The following ARL15 variants were observed in gnomAD, a reference collection of about 807,000 sequenced individuals.
ARL15 encodes ADP-ribosylation factor-like protein 15.
ARL15 carries 19 observed loss-of-function variants against 25.2 expected under a neutral mutation model. The observed-to-expected ratio is 0.75, with a 90% CI of 0.53 to 1.10. ARL15 has a LOEUF of 1.10. Among genes scored for constraint, ARL15 ranks in the 50% least tolerant of loss-of-function variants. The pLI is 0.00. For missense variants in ARL15, 220 were observed against 246.0 expected (o/e 0.89, Z 0.71); for synonymous variants, 94 against 86.8 (o/e 1.08, Z -0.46).
chr5:54,076,895 C>T (rs1751627655), intron 4 of ARL15, among the ~76,000 whole-genome samples: 1 of 152,140 alleles, frequency 6.6e-6, no homozygotes, highest in Non-Finnish European at 1.5e-5. Flanking sequence ...CCTCCAACCA[C>T]TGGACCACTG....
chr5:53,884,178 C>T lies in ARL15; in HGVS notation c.*2383G>A, dbSNP rs1200516067. ...TAAATTAATTGCCATTACAAAAAGG[C>T]AACTGCTTTAGCTAAGAAGGTACAA... On this transcript the variant is annotated 3_prime_UTR_variant, in exon 5 of 5. Coordinates refer to ENST00000504924, the MANE Select transcript of ARL15 (RefSeq NM_019087.3). 1 of 152,126 alleles carries T rather than the reference C, an allele frequency of 6.6e-6. No individual in the cohort carries two copies. Among genetic ancestry groups the T allele is most frequent in the Admixed American group, 6.6e-5 (1 of 15,266 alleles). The allele number at this position is 152,126 out of a possible 1,614,324, so 9.4% of individuals were successfully genotyped here.
intron 1 of ARL15, among the ~76,000 whole-genome samples, chr5:54,231,592 T>C (rs1467379378): frequency 1.3e-5 from 2 of 152,212 alleles, no homozygotes; most frequent in East Asian, 3.9e-4. Context: ...TAGGCTACCA[T>C]GACAAAATAC....
At chr5:54,052,406 A>G (rs1270240211) in intron 4 of ARL15, among the ~76,000 whole-genome samples, 2 of 152,246 alleles carry the variant, frequency 1.3e-5, no homozygotes, top group African/African-American at 4.8e-5. Flanking sequence ...TATAAAGTGC[A>G]GAACTAAGTA....
chr5:54,176,017 C>T (rs909609169), intron 1 of ARL15, among the ~76,000 whole-genome samples: 7 of 152,072 alleles, frequency 4.6e-5, no homozygotes, highest in Admixed American at 6.5e-5. Context: ...ATCATATAAC[C>T]GAATGTCATA....
Position 53,886,335 on chromosome 5 carries a change from A to C in ARL15, c.*226T>G. 4 of 477,758 alleles carry C rather than the reference A, an allele frequency of 8.4e-6. No individual in the cohort carries two copies. In the Admixed American group the frequency reaches 1.1e-4, roughly 13 times the overall value. 29.6% of individuals were successfully genotyped at this position (477,758 alleles called of 1,614,324 possible). The stretch of plus-strand genomic sequence containing the variant: ...ACATGCGGGGAAGATAATTAGTGGT[A>C]AACAGAGAATAAATTCTCTCTCAGT... On this transcript the variant is annotated 3_prime_UTR_variant, in exon 5 of 5. Coordinates refer to ENST00000504924, the MANE Select transcript of ARL15 (RefSeq NM_019087.3).
intron 1 of ARL15, among the ~76,000 whole-genome samples, chr5:54,197,779 C>A (rs1331614875): frequency 6.6e-6 from 1 of 152,052 alleles, no homozygotes; most frequent in East Asian, 1.9e-4. Context: ...AGAGGGAATC[C>A]TCCCTAACTC....
intron 1 of ARL15, among the ~76,000 whole-genome samples, chr5:54,209,028 T>C (rs565607828): frequency 1.3e-5 from 2 of 152,246 alleles, no homozygotes; most frequent in Admixed American, 6.5e-5. Flanking sequence ...AATAGGACAA[T>C]GACTAACTCA....
intron 1 of ARL15, among the ~76,000 whole-genome samples, chr5:54,260,411 G>A (rs142779415): frequency 0.012 from 1,881 of 152,202 alleles, 16 homozygotes; most frequent in Middle Eastern, 0.031. Flanking sequence ...ATTCCAAATC[G>A]TTTTCTTTTG....
intron 1 of ARL15, among the ~76,000 whole-genome samples, chr5:54,252,102 A>G (rs747166331): frequency 6.6e-6 from 1 of 152,270 alleles, no homozygotes; most frequent in Non-Finnish European, 1.5e-5. Context: ...TCAAAGGGCT[A>G]TGGACCTTAT....
intron 4 of ARL15, among the ~76,000 whole-genome samples, chr5:54,031,879 G>A (rs1308377178): frequency 3.9e-5 from 6 of 151,996 alleles, no homozygotes; most frequent in Non-Finnish European, 5.9e-5. Context: ...TCTTGGGCTC[G>A]TTATATAGAA....
chr5:53,929,014 T>C (rs1051926436), intron 4 of ARL15, among the ~76,000 whole-genome samples: 4 of 152,180 alleles, frequency 2.6e-5, no homozygotes, highest in Non-Finnish European at 5.9e-5. Flanking sequence ...GTTTCTGAAA[T>C]TTTGTTCTTT....
intron 3 of ARL15, among the ~76,000 whole-genome samples, chr5:54,140,586 A>C (rs1753746997): frequency 6.6e-6 from 1 of 152,202 alleles, no homozygotes; most frequent in African/African-American, 2.4e-5. Context: ...CAAAGTACAG[A>C]GTGGGAAAAC....
At chr5:54,261,222 T>G (rs940844655) in intron 1 of ARL15, among the ~76,000 whole-genome samples, 7 of 152,184 alleles carry the variant, frequency 4.6e-5, no homozygotes, top group African/African-American at 1.4e-4. Context: ...GACTATGATA[T>G]TCTATAGGCA....
At chr5:54,225,394 A>G (rs1282284382) in intron 1 of ARL15, among the ~76,000 whole-genome samples, 3 of 152,120 alleles carry the variant, frequency 2.0e-5, no homozygotes, top group Non-Finnish European at 4.4e-5. Context: ...GGTGGTGGAG[A>G]TGGTGAGAAG....
intron 1 of ARL15, among the ~76,000 whole-genome samples, chr5:54,277,440 G>C (rs1374789943): frequency 6.6e-6 from 1 of 152,142 alleles, no homozygotes; most frequent in African/African-American, 2.4e-5. Context: ...TGCTTTCTCT[G>C]CTAGTAAAAC....
chr5:53,906,403 A>C (rs1745251541), intron 4 of ARL15, among the ~76,000 whole-genome samples: 1 of 152,186 alleles, frequency 6.6e-6, no homozygotes, highest in Non-Finnish European at 1.5e-5. Context: ...GGCCCTGTAC[A>C]TCACCAAGAT....
At chr5:54,025,646 G>GTTGT in intron 4 of ARL15, among the ~76,000 whole-genome samples, 1 of 136,942 alleles carries the variant, frequency 7.3e-6, no homozygotes, top group South Asian at 2.4e-4. Flanking sequence ...CTACTGGCAA[G>GTTGT]TTATTTGTTT....
At chr5:54,184,797 TC>T (rs1441516357) in intron 1 of ARL15, among the ~76,000 whole-genome samples, 1 of 152,134 alleles carries the variant, frequency 6.6e-6, no homozygotes, top group Non-Finnish European at 1.5e-5. Flanking sequence ...CTCTACTATT[TC>T]CCTGTTCCTC....
chr5:54,136,998 T>C (rs1753625057), intron 3 of ARL15, among the ~76,000 whole-genome samples: 1 of 152,096 alleles, frequency 6.6e-6, no homozygotes, highest in Non-Finnish European at 1.5e-5. Context: ...GCTACAGATA[T>C]TAAAATGTTT....
Sources: allele counts gnomAD v4.1 joint callset (sites outside exome capture counted in the v4.1 genomes callset), GRCh38; gene constraint gnomAD v4.1.1; transcripts MANE v1.5; gene names NCBI Gene and HGNC (gene_info 2026-07-23, HGNC 2026-07-21).